The following IRGM variants were observed in gnomAD, a reference collection of about 807,000 sequenced individuals.
IRGM encodes the protein immunity related GTPase M.
For missense variants in IRGM, 288 were observed against 219.9 expected, an observed-to-expected ratio of 1.31 and a Z score of -1.96; for synonymous variants, 98 against 80.6, an observed-to-expected ratio of 1.22 and a Z score of -1.16.
intron 3 of IRGM, chr5:150,896,540 C>T: frequency 6.2e-7 from 1 of 1,613,702 alleles, no homozygotes; most frequent in Non-Finnish European, 8.5e-7. Context: ...CATTGTGAAT[C>T]TTCTCAAGAT....
In IRGM at chr5:150,868,871, A is replaced by C. The variant is rs149127026; in HGVS notation, c.159-9109A>C. On this transcript the variant is annotated intron_variant and NMD_transcript_variant, in intron 1 of 3. Coordinates refer to the IRGM transcript ENST00000520549. The stretch of plus-strand genomic sequence containing the variant: ...AAACTTCACTGAATTCATTTATCAG[A>C]TCTAGGAGCTTTTTGGATAAGTCTT... Among the ~76,000 whole-genome samples, 546 of 152,226 alleles carry C rather than the reference A, an allele frequency of 3.6e-3. 7 individuals are homozygous for C. The highest frequency in any genetic ancestry group is 5.5e-3 in the Non-Finnish European group (373 of 67,968).
chr5:150,864,018 G>A (rs1754172183), intron 1 of IRGM, among the ~76,000 whole-genome samples: 1 of 152,108 alleles, frequency 6.6e-6, no homozygotes, highest in East Asian at 1.9e-4. Context: ...TAACAGCCAG[G>A]ACCTGGTTTT....
At chr5:150,895,298 C>G in intron 3 of IRGM, 1 of 676,178 alleles carries the variant, frequency 1.5e-6, no homozygotes, top group African/African-American at 1.8e-5. Context: ...CATCACCAAA[C>G]TAGAAACAAA....
intron 1 of IRGM, among the ~76,000 whole-genome samples, chr5:150,855,087 A>G (rs1754032642): frequency 6.6e-6 from 1 of 152,076 alleles, no homozygotes; most frequent in Non-Finnish European, 1.5e-5. Context: ...TTAGCTTACC[A>G]TTTTGCTGAT....
intron 3 of IRGM, among the ~76,000 whole-genome samples, chr5:150,893,749 T>TATA (rs1754657973): frequency 1.3e-5 from 2 of 152,264 alleles, no homozygotes; most frequent in Admixed American, 1.3e-4. Flanking sequence ...TTCAGTTCCA[T>TATA]ATAAATAGAG....
At chr5:150,851,976 A>G (rs1753984263), downstream of IRGM, among the ~76,000 whole-genome samples, 1 of 152,222 alleles carries the variant, frequency 6.6e-6, no homozygotes, top group Non-Finnish European at 1.5e-5. Flanking sequence ...TGATACATAC[A>G]GTAACATTAA....
At chr5:150,896,005 T>C (rs1180218034) in intron 3 of IRGM, 2 of 1,613,516 alleles carry the variant, frequency 1.2e-6, no homozygotes, top group Admixed American at 1.7e-5. Flanking sequence ...CCACATTCGG[T>C]ACACTCATAC....
At chr5:150,857,168 G>A (rs1465705221) in intron 1 of IRGM, among the ~76,000 whole-genome samples, 1 of 151,854 alleles carries the variant, frequency 6.6e-6, no homozygotes, top group Non-Finnish European at 1.5e-5. Flanking sequence ...ACCTATGAGT[G>A]AGAACATGTG....
At chr5:150,896,904 A>G in intron 3 of IRGM, 1 of 1,613,510 alleles carries the variant, frequency 6.2e-7, no homozygotes, top group South Asian at 1.1e-5. Flanking sequence ...GACTCCTTTC[A>G]GTATCTTATG....
At chr5:150,884,518 C>G (rs1754489058) in intron 3 of IRGM, among the ~76,000 whole-genome samples, 2 of 152,154 alleles carry the variant, frequency 1.3e-5, no homozygotes, top group South Asian at 2.1e-4. Context: ...AATAGTTGAA[C>G]TAATTTACAC....
downstream of IRGM, among the ~76,000 whole-genome samples, chr5:150,848,977 A>T (rs1561739232): frequency 6.6e-6 from 1 of 152,058 alleles, no homozygotes; most frequent in Admixed American, 6.5e-5. Context: ...ACTGAGTCAT[A>T]ATGAGGGTAT....
At chr5:150,888,006 G>C (rs1025735149) in intron 3 of IRGM, among the ~76,000 whole-genome samples, 1 of 151,882 alleles carries the variant, frequency 6.6e-6, no homozygotes, top group African/African-American at 2.4e-5. Flanking sequence ...TGAGTGGCCC[G>C]CTGGATAAAA....
chr5:150,872,227 C>A (rs1413168818), intron 1 of IRGM, among the ~76,000 whole-genome samples: 1 of 152,176 alleles, frequency 6.6e-6, no homozygotes, highest in African/African-American at 2.4e-5. Context: ...AAGCTGGGGA[C>A]ACTGAATTTG....
intron 1 of IRGM, among the ~76,000 whole-genome samples, chr5:150,855,594 C>T (rs1322228733): frequency 3.9e-5 from 6 of 152,102 alleles, no homozygotes; most frequent in Non-Finnish European, 8.8e-5. Context: ...TTGAGGTCAG[C>T]GTACTAGGTC....
At position 150,869,010 on chromosome 5, in the gene IRGM, C is replaced by G. The variant is rs144987944; in HGVS notation, c.159-8970C>G. On this transcript the variant is annotated intron_variant and NMD_transcript_variant, in intron 1 of 3. Transcript: ENST00000520549. Reference sequence around the variant, plus strand: ...TTTCTGATTGCTCTGGCCAGGACTTCCAGTACTATGTTTAATAGAAGTGGT... The same window carrying G: ...TTTCTGATTGCTCTGGCCAGGACTTGCAGTACTATGTTTAATAGAAGTGGT... 5.1e-3 allele frequency among the ~76,000 whole-genome samples: 770 copies of G among 152,194 alleles called. 10 individuals carry two copies. Among genetic ancestry groups the G allele is most frequent in the African/African-American group, 0.018 (728 of 41,530 alleles).
intron 3 of IRGM, among the ~76,000 whole-genome samples, chr5:150,882,121 G>A (rs1408042448): frequency 6.6e-6 from 1 of 151,872 alleles, no homozygotes. Flanking sequence ...AGTTGAGGCT[G>A]CTGTGAGCCA....
At chr5:150,899,920 A>G (rs1341670166) in intron 3 of IRGM, among the ~76,000 whole-genome samples, 2 of 152,128 alleles carry the variant, frequency 1.3e-5, no homozygotes, top group African/African-American at 4.8e-5. Flanking sequence ...TGCCTGCTTA[A>G]AAGCCTCCTT....
At chr5:150,894,617 GAGAGT>G (rs1479613436) in intron 3 of IRGM, 1 of 152,256 alleles carries the variant, frequency 6.6e-6, no homozygotes, top group African/African-American at 2.4e-5. Flanking sequence ...CTTCAAGATA[GAGAGT>G]AAAGATTTAA....
At chr5:150,858,207 G>C (rs1228922524) in intron 1 of IRGM, among the ~76,000 whole-genome samples, 52 of 151,862 alleles carry the variant, frequency 3.4e-4, no homozygotes, top group Admixed American at 1.2e-3. Flanking sequence ...GCTTGTTTTT[G>C]TCAGGTTTGT....
Sources: gnomAD v4.1 joint callset for allele counts (sites outside exome capture counted in the v4.1 genomes callset) on GRCh38, gnomAD v4.1.1 for gene constraint, MANE v1.5 for transcripts, NCBI Gene and HGNC (gene_info 2026-07-23, HGNC 2026-07-21) for gene names.